IPO11: variants seen among roughly 807,000 people sequenced by gnomAD.
IPO11 encodes importin 11.
In IPO11, 66 loss-of-function variants were observed where a neutral mutation model predicts 143.2. The observed-to-expected ratio is 0.46, with a 90% CI of 0.38 to 0.57. IPO11 has a LOEUF of 0.57. IPO11 is among the 20% of genes least tolerant of loss of function. IPO11 has a pLI of 0.00. For missense variants in IPO11, 1,026 were observed against 1,141.0 expected (o/e 0.90, Z 1.45); for synonymous variants, 385 against 377.8 (o/e 1.02, Z -0.22).
intron 24 of IPO11, among the ~76,000 whole-genome samples, chr5:62,539,422 C>T (rs1002907474): frequency 3.3e-5 from 5 of 152,182 alleles, no homozygotes; most frequent in African/African-American, 1.2e-4. Context: ...TGATTAAGGG[C>T]ATTCCCTAAT....
chr5:62,490,045 T>A (rs1402473543), intron 14 of IPO11, 70 bp from the exon 15 acceptor site: 5 of 759,384 alleles, frequency 6.6e-6, no homozygotes, highest in Non-Finnish European at 4.1e-6. Flanking sequence ...AATTAACATA[T>A]GTTTCATACA....
intron 28 of IPO11, among the ~76,000 whole-genome samples, chr5:62,599,598 GGT>G (rs1745423279): frequency 6.6e-6 from 1 of 152,162 alleles, no homozygotes; most frequent in Admixed American, 6.5e-5. Flanking sequence ...AACACCTGTT[GGT>G]TCTGTTTAGC....
At chr5:62,593,851 A>G (rs1745120317) in intron 28 of IPO11, among the ~76,000 whole-genome samples, 1 of 152,236 alleles carries the variant, frequency 6.6e-6, no homozygotes, top group African/African-American at 2.4e-5. Flanking sequence ...TGGTTAGACT[A>G]GATCTCTATT....
chr5:62,417,790 C>T (rs1252344880), intron 1 of IPO11, among the ~76,000 whole-genome samples: 1 of 152,184 alleles, frequency 6.6e-6, no homozygotes, highest in East Asian at 1.9e-4. Flanking sequence ...ATGTAGTTGT[C>T]TTAAAATACT....
chr5:62,519,126 CAA>C (rs776511962), intron 20 of IPO11, among the ~76,000 whole-genome samples: 3 of 152,046 alleles, frequency 2.0e-5, no homozygotes, highest in Non-Finnish European at 4.4e-5. Flanking sequence ...TTAAATAAAA[CAA>C]GAAGTGTTAT....
chr5:62,577,435 C>G (rs368052868), intron 27 of IPO11, among the ~76,000 whole-genome samples: 1 of 151,892 alleles, frequency 6.6e-6, no homozygotes. Context: ...GGTTTTTTCT[C>G]TTTAATTTTA....
At chr5:62,537,139 A>C (rs1231487662) in intron 23 of IPO11, 70 bp from the exon 24 acceptor site, 7 of 906,116 alleles carry the variant, frequency 7.7e-6, no homozygotes, top group Admixed American at 2.0e-5. Context: ...ATGAATCCCA[A>C]ATGAAATTTT....
intron 1 of IPO11, among the ~76,000 whole-genome samples, chr5:62,416,535 T>C (rs1743300238): frequency 6.6e-6 from 1 of 152,096 alleles, no homozygotes; most frequent in African/African-American, 2.4e-5. Context: ...GGCCTTACCC[T>C]AACAACCTCA....
At chr5:62,435,188 A>ATGTATATATATGTATATATATG (rs1744166602) in intron 1 of IPO11, among the ~76,000 whole-genome samples, 1 of 116,258 alleles carries the variant, frequency 8.6e-6, no homozygotes. Context: ...ATGTATATAT[A>ATGTATATATATGTATATATATG]TGTATATATA....
At chr5:62,575,357 T>G (rs1267149901) in intron 27 of IPO11, among the ~76,000 whole-genome samples, 2 of 152,250 alleles carry the variant, frequency 1.3e-5, no homozygotes, top group African/African-American at 4.8e-5. Flanking sequence ...ACCATTTCTG[T>G]GTAAGTTGTA....
intron 29 of IPO11, among the ~76,000 whole-genome samples, chr5:62,604,741 C>A (rs1240967271): frequency 6.6e-6 from 1 of 152,062 alleles, no homozygotes; most frequent in Non-Finnish European, 1.5e-5. Context: ...AGTAAGATTT[C>A]CAGTACCTTG....
chr5:62,553,505 A>T (rs1743465032), intron 26 of IPO11, among the ~76,000 whole-genome samples: 1 of 152,144 alleles, frequency 6.6e-6, no homozygotes, highest in Non-Finnish European at 1.5e-5. Context: ...AGATGTATAT[A>T]TCCAGTAGTG....
chr5:62,509,139 T>C (rs919293396), intron 19 of IPO11, among the ~76,000 whole-genome samples: 2 of 152,216 alleles, frequency 1.3e-5, no homozygotes, highest in South Asian at 2.1e-4. Flanking sequence ...TACAGTTAAC[T>C]TTTCTAGTGC....
At chr5:62,556,580 A>T (rs1449051105) in intron 26 of IPO11, among the ~76,000 whole-genome samples, 2 of 152,134 alleles carry the variant, frequency 1.3e-5, no homozygotes, top group African/African-American at 4.8e-5. Context: ...CTCTACAAAA[A>T]CTAAAAATAA....
intron 5 of IPO11, among the ~76,000 whole-genome samples, chr5:62,460,371 C>T (rs1245513313): frequency 6.6e-6 from 1 of 152,148 alleles, no homozygotes; most frequent in African/African-American, 2.4e-5. Context: ...TTGTAGGATG[C>T]TCTGCCTCCT....
chr5:62,470,959 C>G (rs1396962764), intron 7 of IPO11, among the ~76,000 whole-genome samples: 2 of 151,090 alleles, frequency 1.3e-5, no homozygotes, highest in Non-Finnish European at 2.9e-5. Flanking sequence ...TCCCAAGTCA[C>G]TGGGATTACA....
At chr5:62,464,081 C>G (rs1745479503) in intron 5 of IPO11, among the ~76,000 whole-genome samples, 1 of 151,730 alleles carries the variant, frequency 6.6e-6, no homozygotes, top group South Asian at 2.1e-4. Context: ...GCCTCGGTCC[C>G]CCAGAGTGCT....
chr5:62,454,132 C>T (rs2112166474), intron 5 of IPO11, among the ~76,000 whole-genome samples: 1 of 152,064 alleles, frequency 6.6e-6, no homozygotes, highest in Non-Finnish European at 1.5e-5. Flanking sequence ...GAGACTCCAT[C>T]TCAAATAAAA....
chr5:62,616,990 C>T (rs926193296), intron 29 of IPO11, among the ~76,000 whole-genome samples: 1 of 152,158 alleles, frequency 6.6e-6, no homozygotes, highest in Non-Finnish European at 1.5e-5. Flanking sequence ...GGTTCTCATT[C>T]AACATTTCCT....
Sources: gnomAD v4.1 joint callset for allele counts (sites outside exome capture counted in the v4.1 genomes callset) on GRCh38, gnomAD v4.1.1 for gene constraint, MANE v1.5 for transcripts, NCBI Gene and HGNC (gene_info 2026-07-23, HGNC 2026-07-21) for gene names.